The following GPR55 variants were observed in gnomAD, a reference collection of about 807,000 sequenced individuals.
GPR55 encodes the protein G protein-coupled receptor 55.
A neutral mutation model predicts 7.9 loss-of-function variants in GPR55; 6 were observed. The ratio of observed to expected loss-of-function variants is 0.76; its 90% confidence interval spans 0.41 to 1.49. The LOEUF (loss-of-function observed/expected upper bound fraction) is 1.49, where lower values mean the gene tolerates loss of function less well. Among genes scored for constraint, GPR55 ranks in the 40% most tolerant of loss-of-function variants. The probability of loss-of-function intolerance (pLI) is 0.01; values close to 1 mark genes in which losing one functional copy is unlikely to be tolerated. For missense variants in GPR55, 376 were observed against 406.0 expected (o/e 0.93, Z 0.63); for synonymous variants, 183 against 166.8 (o/e 1.10, Z -0.75).
intron 1 of GPR55, among the ~76,000 whole-genome samples, chr2:230,932,588 G>T (rs1057282419): frequency 2.0e-5 from 3 of 152,192 alleles, no homozygotes; most frequent in Non-Finnish European, 2.9e-5. Context: ...ATAAAGCTCC[G>T]AACAGAAGGA....
chr2:230,942,129 A>G (rs1691242729), intron 1 of GPR55, among the ~76,000 whole-genome samples: 1 of 152,222 alleles, frequency 6.6e-6, no homozygotes, highest in African/African-American at 2.4e-5. Context: ...ACAGACCAGA[A>G]GGGGCAGGAA....
chr2:230,948,279 C>G (rs1328993839), intron 1 of GPR55, among the ~76,000 whole-genome samples: 1 of 152,082 alleles, frequency 6.6e-6, no homozygotes, highest in Non-Finnish European at 1.5e-5. Flanking sequence ...CTGACTTCCC[C>G]ACTCAGAGCC....
Position 230,958,033 on chromosome 2 carries a change from T to C in GPR55, c.-135+2742A>G, listed in dbSNP as rs191172140. ...GCTCAACCACATAAAACATTTTATGTACAATAAGCTCTCAATCAAGTAAAT... is the reference window on the plus strand; with the variant it reads ...GCTCAACCACATAAAACATTTTATGCACAATAAGCTCTCAATCAAGTAAAT... On this transcript the variant is annotated intron_variant, in intron 1 of 1. Coordinates refer to the GPR55 transcript ENST00000392039. The C allele has an allele frequency of 1.7e-5, 5 of 289,404 alleles. No homozygotes were observed. In the East Asian group the frequency reaches 4.6e-4, roughly 27 times the overall value. The allele number at this position is 289,404 out of a possible 1,614,324, so 17.9% of individuals were successfully genotyped here.
chr2:230,927,593 A>C (rs1289402455), upstream of GPR55, among the ~76,000 whole-genome samples: 4 of 151,904 alleles, frequency 2.6e-5, no homozygotes, highest in Admixed American at 2.0e-4. Context: ...AATCACTTGG[A>C]GGTTTTGGGA....
chr2:230,911,959 A>C (rs7588916), intron 1 of GPR55, among the ~76,000 whole-genome samples: 45,349 of 151,936 alleles, frequency 0.3, 9,542 homozygotes, highest in African/African-American at 0.61. Flanking sequence ...TGGAGCAGGA[A>C]AAAACCAAGT....
rs573873785 is a variant in GPR55, at chr2:230,917,237, T to C, written c.-134-6141A>G. On this transcript the variant is annotated intron_variant, in intron 1 of 1. Coordinates refer to ENST00000650999, the MANE Select transcript of GPR55 (RefSeq NM_005683.4). ...AGCCATTGGCAAAAACAAACTGCAG[T>C]GTCAGACTTTCATGTACTGTAGATT... 3.9e-5 allele frequency among the ~76,000 whole-genome samples: 6 copies of C among 152,308 alleles called. No homozygotes were observed. In the South Asian group the frequency reaches 8.3e-4, roughly 21 times the overall value.
chr2:230,945,457 C>T (rs954857155), intron 1 of GPR55, among the ~76,000 whole-genome samples: 2 of 152,184 alleles, frequency 1.3e-5, no homozygotes, highest in African/African-American at 4.8e-5. Context: ...AGAATGCAAC[C>T]CGCGCCCTTA....
chr2:230,935,660 A>C (rs1691121615), intron 1 of GPR55, among the ~76,000 whole-genome samples: 1 of 152,184 alleles, frequency 6.6e-6, no homozygotes. Context: ...GGGCTCTGGG[A>C]CTGGGCTGGG....
chr2:230,935,038 C>T (rs2125063399), intron 1 of GPR55, among the ~76,000 whole-genome samples: 2 of 152,132 alleles, frequency 1.3e-5, no homozygotes, highest in African/African-American at 4.8e-5. Flanking sequence ...ACACACAGGC[C>T]CCTTCATGCC....
rs1467632157 is a variant in GPR55, at chr2:230,908,731, A to G, written c.*1272T>C. The stretch of plus-strand genomic sequence containing the variant: ...CTCTGTCATGCAAAACCACCCCACA[A>G]TGGATCCTTCTCATCATTTCACTCT... On this transcript the variant is annotated 3_prime_UTR_variant, in exon 2 of 2. Transcript: ENST00000650999. The G allele has an allele frequency of 6.6e-6, 1 of 152,166 alleles. No individual in the cohort carries two copies. The highest frequency in any genetic ancestry group is 1.5e-5 in the Non-Finnish European group (1 of 68,078). The allele number at this position is 152,166 out of a possible 1,614,324, so 9.4% of individuals were successfully genotyped here. A position where few individuals can be genotyped will look rare whatever the true frequency, so the allele number is the denominator to read the frequency against.
At chr2:230,937,514 G>T (rs899908355) in intron 1 of GPR55, among the ~76,000 whole-genome samples, 1 of 135,498 alleles carries the variant, frequency 7.4e-6, no homozygotes, top group African/African-American at 3.1e-5. Flanking sequence ...CACTTGGTGT[G>T]CTCTTGTGAT....
chr2:230,957,918 T>A, intron 1 of GPR55: 1 of 498,732 alleles, frequency 2.0e-6, no homozygotes, highest in Non-Finnish European at 4.0e-6. Flanking sequence ...ATCTTGATCC[T>A]GAAAGAAAAG....
chr2:230,953,004 G>A (rs1414495566), intron 1 of GPR55, among the ~76,000 whole-genome samples: 1 of 152,224 alleles, frequency 6.6e-6, no homozygotes, highest in Non-Finnish European at 1.5e-5. Flanking sequence ...TTTCAGCTGG[G>A]CCTTGGGGAA....
rs79926832 is a variant in GPR55, at chr2:230,952,549, T to C, written c.-135+8226A>G. ...GCTGACACCTCTACAGCCTCTGCTT[T>C]TCCCATGGTGCCGCTTGTCAGTTAC... On this transcript the variant is annotated intron_variant, in intron 1 of 1. Transcript: ENST00000392039. 5.8e-3 allele frequency among the ~76,000 whole-genome samples: 889 copies of C among 152,300 alleles called. 13 individuals are homozygous for C. The highest frequency in any genetic ancestry group is 0.02 in the African/African-American group (829 of 41,536).
rs1690574755 is a variant in GPR55, at chr2:230,910,740, G to A, written c.223C>T (p.Leu75Phe). Residue 75 changes from leucine (L) to phenylalanine (F), a missense_variant, in exon 2 of 2, where the codon CTC becomes TTC. Transcript: ENST00000650999. This position sits in a 1 kb window ranked among gnomAD's most constrained non-coding sequence, Gnocchi z 5.4. ...NLAVFDLLLV[L>F]SLPFKMVLSQ... The stretch of plus-strand genomic sequence containing the variant: ...AGGACCATCTTGAATGGGAGGGAGA[G>A]CACCAGCAGCAGGTCAAAGACTGCC... 1 of 1,614,064 alleles carries A rather than the reference G, an allele frequency of 6.2e-7. No homozygotes were observed. Among genetic ancestry groups the A allele is most frequent in the Non-Finnish European group, 8.5e-7 (1 of 1,179,902 alleles).
At chr2:230,927,929 T>G (rs1227485940), upstream of GPR55, among the ~76,000 whole-genome samples, 1 of 152,200 alleles carries the variant, frequency 6.6e-6, no homozygotes, top group Non-Finnish European at 1.5e-5. Flanking sequence ...GGCCCAGAGC[T>G]GTGCAAGAAG....
At chr2:230,917,389 A>G (rs1219394433) in intron 1 of GPR55, among the ~76,000 whole-genome samples, 1 of 152,142 alleles carries the variant, frequency 6.6e-6, no homozygotes, top group Non-Finnish European at 1.5e-5. Flanking sequence ...TTTTTTCTCA[A>G]GCAGCCAAAA....
Position 230,944,165 on chromosome 2 carries a change from G to A in GPR55, c.-135+16610C>T, listed in dbSNP as rs1691277340. On this transcript the variant is annotated intron_variant, in intron 1 of 1. Coordinates refer to the GPR55 transcript ENST00000392039. This position sits in a 1 kb window ranked among gnomAD's most constrained non-coding sequence, Gnocchi z 4.2. ...TTGGTCCCAGATGCCGGGTCCCAGA[G>A]AGGACCTCAAGGAGACTTCCCAGGA... 1.3e-5 allele frequency among the ~76,000 whole-genome samples: 2 copies of A among 152,218 alleles called. No homozygotes were observed. The highest frequency in any genetic ancestry group is 4.8e-5 in the African/African-American group (2 of 41,460).
intron 1 of GPR55, among the ~76,000 whole-genome samples, chr2:230,953,888 C>T (rs949985380): frequency 6.6e-6 from 1 of 152,186 alleles, no homozygotes; most frequent in Non-Finnish European, 1.5e-5. Context: ...GAGATGAAGG[C>T]TGGCAGTCCC....
Sources: allele counts gnomAD v4.1 joint callset (sites outside exome capture counted in the v4.1 genomes callset), GRCh38; gene constraint gnomAD v4.1.1; non-coding constraint Gnocchi (gnomAD v3.1); transcripts MANE v1.5; gene names NCBI Gene and HGNC (gene_info 2026-07-23, HGNC 2026-07-21).